Variants in VCF1 observed in about 807,000 individuals in gnomAD.
The protein encoded by VCF1 is protein VCF1.
chr17:73,208,979 G>T, the VCF1 span: 1 of 225,258 alleles, frequency 4.4e-6, no homozygotes, highest in Non-Finnish European at 8.9e-6. Flanking sequence ...GGATCTGATT[G>T]TTCTCCTGTT....
the VCF1 span, chr17:73,207,930 A>AGTT: frequency 3.4e-6 from 4 of 1,191,408 alleles, no homozygotes; most frequent in Non-Finnish European, 4.2e-6. Flanking sequence ...GGGAGATGGT[A>AGTT]GTTTAAAAAA....
At chr17:73,209,016 AC>A in the VCF1 span, 2 of 203,786 alleles carry the variant, frequency 9.8e-6, no homozygotes, top group Non-Finnish European at 2.0e-5. Context: ...TTTCAATAGA[AC>A]ATCTACATAC....
At chr17:73,210,138 T>A in the VCF1 span, among the ~76,000 whole-genome samples, 2 of 152,166 alleles carry the variant, frequency 1.3e-5, no homozygotes, top group African/African-American at 4.8e-5. Flanking sequence ...AGAAGGCAGT[T>A]CTCAGCCTCC....
the VCF1 span, among the ~76,000 whole-genome samples, chr17:73,231,842 CAG>C: frequency 2.0e-5 from 3 of 151,786 alleles, no homozygotes; most frequent in East Asian, 1.9e-4. Flanking sequence ...TAGGAAAAGA[CAG>C]GGGGGAAAAA....
the VCF1 span, among the ~76,000 whole-genome samples, chr17:73,212,056 A>C: frequency 6.6e-6 from 1 of 152,164 alleles, no homozygotes; most frequent in Non-Finnish European, 1.5e-5. Flanking sequence ...GGAAAGAAAG[A>C]ACGAAATCAC....
At chr17:73,212,661 C>A in the VCF1 span, 1 of 1,585,336 alleles carries the variant, frequency 6.3e-7, no homozygotes, top group Non-Finnish European at 8.6e-7. Flanking sequence ...GGTCACTACA[C>A]TCAATTAGAA....
At chr17:73,224,244 T>C in the VCF1 span, among the ~76,000 whole-genome samples, 2 of 112,758 alleles carry the variant, frequency 1.8e-5, no homozygotes, top group African/African-American at 3.6e-5. Context: ...CTGGGCCATA[T>C]AGTGAGACGT....
the VCF1 span, among the ~76,000 whole-genome samples, chr17:73,223,056 G>T: frequency 1.3e-5 from 2 of 152,130 alleles, no homozygotes; most frequent in Non-Finnish European, 2.9e-5. Context: ...GGTAGCTCAC[G>T]CCTGGAATCC....
chr17:73,222,357 T>G, the VCF1 span, among the ~76,000 whole-genome samples: 3 of 152,132 alleles, frequency 2.0e-5, no homozygotes, highest in African/African-American at 4.8e-5. Flanking sequence ...AGACCACATT[T>G]TTGTTTTTTT....
chr17:73,226,211 T>C, the VCF1 span, among the ~76,000 whole-genome samples: 34 of 152,244 alleles, frequency 2.2e-4, no homozygotes, highest in African/African-American at 7.7e-4. Context: ...AGGAAAATAT[T>C]TGAAGAGGAA....
the VCF1 span, chr17:73,232,098 C>T: frequency 6.2e-7 from 1 of 1,607,436 alleles, no homozygotes; most frequent in East Asian, 2.2e-5. Context: ...GGGACGGAGG[C>T]GCTCGCTCAT....
chr17:73,208,176 G>A, the VCF1 span: 1 of 1,548,310 alleles, frequency 6.5e-7, no homozygotes, highest in Non-Finnish European at 8.7e-7. Context: ...CGACAGCAAA[G>A]TCCTCTGACT....
chr17:73,230,228 T>A, the VCF1 span, among the ~76,000 whole-genome samples: 3 of 150,970 alleles, frequency 2.0e-5, no homozygotes, highest in African/African-American at 7.3e-5. Context: ...CCTGGGAGGT[T>A]GAGGCTGCAG....
At chr17:73,225,912 T>C in the VCF1 span, among the ~76,000 whole-genome samples, 1 of 142,316 alleles carries the variant, frequency 7.0e-6, no homozygotes, top group African/African-American at 2.6e-5. Context: ...TTTTTTTTTT[T>C]TTTTTCTGAA....
the VCF1 span, among the ~76,000 whole-genome samples, chr17:73,214,398 T>C: frequency 6.6e-6 from 1 of 152,078 alleles, no homozygotes; most frequent in Non-Finnish European, 1.5e-5. Context: ...ACAAATATAT[T>C]TGGTATGTAC....
the VCF1 span, among the ~76,000 whole-genome samples, chr17:73,224,917 CAGGA>C: frequency 6.0e-5 from 9 of 150,144 alleles, no homozygotes; most frequent in African/African-American, 9.9e-5. Context: ...CAGGACAGGA[CAGGA>C]CAGGACAGGA....
At chr17:73,213,559 A>G in the VCF1 span, among the ~76,000 whole-genome samples, 35 of 152,248 alleles carry the variant, frequency 2.3e-4, no homozygotes, top group Non-Finnish European at 5.9e-5. Flanking sequence ...AAGGATATAT[A>G]TGACAAAATA....
chr17:73,209,175 G>C, the VCF1 span: 6 of 253,200 alleles, frequency 2.4e-5, no homozygotes, highest in African/African-American at 1.4e-4. Flanking sequence ...TTTTTAAAAG[G>C]CCCTTTACAT....
the VCF1 span, among the ~76,000 whole-genome samples, chr17:73,225,926 G>A: frequency 1.5e-5 from 2 of 131,778 alleles, no homozygotes; most frequent in Admixed American, 1.6e-4. Context: ...TTCTGAAACG[G>A]AGTCTTGCTC....
Sources: allele counts gnomAD v4.1 joint callset (sites outside exome capture counted in the v4.1 genomes callset), GRCh38; gene constraint gnomAD v4.1.1; transcripts MANE v1.5; gene names NCBI Gene and HGNC (gene_info 2026-07-23, HGNC 2026-07-21).